SEC23A: variants seen among roughly 807,000 people sequenced by gnomAD.
The protein encoded by SEC23A is protein transport protein Sec23A.
In SEC23A, 56 loss-of-function variants were observed where a neutral mutation model predicts 103.7. That is an observed-to-expected ratio of 0.54 (90% CI 0.44 to 0.67). SEC23A has a LOEUF of 0.67. SEC23A is among the 30% of genes least tolerant of loss of function. The pLI is 0.00. For synonymous variants in SEC23A, 281 were observed against 293.0 expected (o/e 0.96, Z 0.42); for missense variants, 784 against 936.4 (o/e 0.84, Z 2.12).
intron 16 of SEC23A, among the ~76,000 whole-genome samples, chr14:39,043,141 T>TA (rs1885707303): frequency 2.0e-5 from 3 of 152,182 alleles, no homozygotes. Context: ...CATGTCCAGC[T>TA]AGTTTTTTCA....
At chr14:39,042,894 G>T in intron 16 of SEC23A, 22 bp from the exon 17 acceptor site, 1 of 1,510,004 alleles carries the variant, frequency 6.6e-7, no homozygotes, top group Non-Finnish European at 9.2e-7. Flanking sequence ...AAAACAATGA[G>T]AAATGAGGAA....
chr14:39,032,980 A>G lies in SEC23A; in HGVS notation c.*259T>C. On this transcript the variant is annotated 3_prime_UTR_variant, in exon 20 of 20. Transcript: ENST00000307712. ...AGGCAGACTCTATTTTTTATTAAAC[A>G]TAATTAAGTTATAAAGACTTCAAAT... is the stretch of plus-strand genomic sequence containing the variant. 2 of 411,254 alleles carry G rather than the reference A, an allele frequency of 4.9e-6. No homozygotes were observed. Among genetic ancestry groups the G allele is most frequent in the Non-Finnish European group, 8.9e-6 (2 of 225,752 alleles). The allele number at this position is 411,254 out of a possible 1,614,324, so 25.5% of individuals were successfully genotyped here.
At chr14:39,066,545 C>G (rs527686940) in intron 10 of SEC23A, among the ~76,000 whole-genome samples, 1 of 151,438 alleles carries the variant, frequency 6.6e-6, no homozygotes, top group South Asian at 2.1e-4. Flanking sequence ...TAACCTAGCA[C>G]TAACATAAAT....
intron 5 of SEC23A, among the ~76,000 whole-genome samples, chr14:39,090,657 C>T (rs767948696): frequency 2.0e-5 from 3 of 152,170 alleles, no homozygotes; most frequent in South Asian, 4.1e-4. Context: ...CCAAGGTTCT[C>T]GGTTCTTATG....
At chr14:39,075,866 ATTC>A in intron 8 of SEC23A, 66 bp downstream of exon 8, 1 of 1,333,408 alleles carries the variant, frequency 7.5e-7, no homozygotes, top group Non-Finnish European at 1.1e-6. Context: ...AACTATTTGT[ATTC>A]TTCTTCTGCC....
chr14:39,098,085 T>A (rs1398008273), intron 1 of SEC23A, among the ~76,000 whole-genome samples: 1 of 149,920 alleles, frequency 6.7e-6, no homozygotes, highest in Non-Finnish European at 1.5e-5. Context: ...CAAGACTCCA[T>A]CTCAAAAAAA....
At chr14:39,071,630 C>T (rs376987909) in intron 9 of SEC23A, among the ~76,000 whole-genome samples, 2 of 152,034 alleles carry the variant, frequency 1.3e-5, no homozygotes, top group African/African-American at 2.4e-5. Flanking sequence ...TTTCGGAGGC[C>T]GAGGAAGGCA....
intron 18 of SEC23A, chr14:39,039,934 ACT>A (rs1239103036): frequency 6.6e-6 from 1 of 152,170 alleles, no homozygotes; most frequent in African/African-American, 2.4e-5. Flanking sequence ...ATATGAAATA[ACT>A]CTCATATAAA....
At chr14:39,041,927 T>G (rs1162310061) in intron 17 of SEC23A, among the ~76,000 whole-genome samples, 1 of 151,754 alleles carries the variant, frequency 6.6e-6, no homozygotes, top group Non-Finnish European at 1.5e-5. Flanking sequence ...TTGAGTAATG[T>G]CTTTACTATT....
At chr14:39,079,204 A>AT (rs1168220338) in intron 7 of SEC23A, among the ~76,000 whole-genome samples, 20 of 150,986 alleles carry the variant, frequency 1.3e-4, no homozygotes, top group Admixed American at 9.9e-4. Context: ...TGAGAGGGCC[A>AT]TTTTTTTTTA....
rs778291254 is a variant in SEC23A, at chr14:39,096,066, C to T, written c.53G>A (p.Arg18Gln). 3 of 1,614,072 alleles carry T rather than the reference C, an allele frequency of 1.9e-6. No homozygotes were observed. Among genetic ancestry groups the T allele is most frequent in the Admixed American group, 3.3e-5 (2 of 60,016 alleles). ...TGATGGCCAAACATTCCAACTAAAT[C>T]GGACTCCATCTCGTTCTTCATTTTG... ...IQQNEERDGV[R>Q]FSWNVWPSSR... The change falls in exon 2 of 20, where the codon CGA becomes CAA. Residue 18 changes from arginine (R) to glutamine (Q), a missense_variant. Coordinates refer to ENST00000307712, the MANE Select transcript of SEC23A (RefSeq NM_006364.4).
chr14:39,084,509 AATCATACACCC>A (rs1473412038), intron 7 of SEC23A, among the ~76,000 whole-genome samples: 3 of 152,196 alleles, frequency 2.0e-5, no homozygotes, highest in Non-Finnish European at 2.9e-5. Context: ...ACGTAGATAA[AATCATACACCC>A]ACTGTCCTAT....
intron 9 of SEC23A, among the ~76,000 whole-genome samples, chr14:39,070,162 T>C (rs752201863): frequency 5.9e-5 from 9 of 152,234 alleles, no homozygotes; most frequent in East Asian, 1.9e-4. Context: ...ATAAGCTCCA[T>C]GCGGGCAAAG....
rs542608403 is a variant in SEC23A, at chr14:39,040,693, A to G, written c.2142+39T>C. On this transcript the variant is annotated intron_variant, in intron 18 of 19. Coordinates refer to ENST00000307712, the MANE Select transcript of SEC23A (RefSeq NM_006364.4). ...AGCAGGTACACCTCACTGCAAACCT[A>G]ACAACAAACAAACACACAAACAAAT... 52 of 1,613,574 alleles carry G rather than the reference A, an allele frequency of 3.2e-5. No homozygotes were observed. The South Asian group carries it at 5.5e-4, about 17-fold the overall frequency.
rs202128455 is a variant in SEC23A, at chr14:39,086,972, C to T, written c.640G>A (p.Ala214Thr). 4.9e-5 allele frequency: 78 copies of T among 1,595,130 alleles called. No individual in the cohort carries two copies. Among genetic ancestry groups the T allele is most frequent in the Non-Finnish European group, 6.4e-5 (74 of 1,162,790 alleles). Reference sequence around the variant, plus strand: ...TGCTGTACCTGAGGACCACGTGTTGCTTGAGTAAGTGGTACTTTAGAGAGC... The same window carrying T: ...TGCTGTACCTGAGGACCACGTGTTGTTTGAGTAAGTGGTACTTTAGAGAGC... ...LGLSKVPLTQ[A>T]TRGPQVQQPP... Residue 214 changes from alanine to threonine, a missense_variant, in exon 6 of 20, where the codon GCA (alanine) becomes ACA (threonine). Ala to Thr is a moderately conservative substitution (Grantham distance 58). Transcript: ENST00000307712.
In SEC23A at chr14:39,067,222, T is replaced by A; in HGVS notation, c.1178A>T (p.Asp393Val). The A allele has an allele frequency of 6.2e-7, 1 of 1,613,796 alleles. No individual in the cohort carries two copies. Residue 393 changes from aspartate to valine, a missense_variant, in exon 10 of 20, where the codon GAC becomes GTC. Coordinates refer to ENST00000307712, the MANE Select transcript of SEC23A (RefSeq NM_006364.4). ...GCCCATTTTAAACTGTCCATGCATG[T>A]CTTTGGTAAAGACTCTTTGAAAAGT... is the stretch of plus-strand genomic sequence containing the variant. ...KQTFQRVFTK[D>V]MHGQFKMGFG...
At chr14:39,057,455 T>G (rs1055493296) in intron 13 of SEC23A, among the ~76,000 whole-genome samples, 2 of 152,102 alleles carry the variant, frequency 1.3e-5, no homozygotes, top group African/African-American at 4.8e-5. Flanking sequence ...CACCTCAAAC[T>G]CCTGGGCTCC....
chr14:39,086,858 C>T, intron 6 of SEC23A, 71 bp downstream of exon 6: 1 of 866,602 alleles, frequency 1.2e-6, no homozygotes, highest in Non-Finnish European at 2.0e-6. Context: ...CACTGAATGC[C>T]TATGTTCAAG....
intron 13 of SEC23A, among the ~76,000 whole-genome samples, chr14:39,059,427 T>C (rs2139221425): frequency 6.6e-6 from 1 of 151,744 alleles, no homozygotes; most frequent in East Asian, 1.9e-4. Flanking sequence ...TCTCTACAAA[T>C]AGCCTCATAA....
Sources: gnomAD v4.1 joint callset for allele counts (sites outside exome capture counted in the v4.1 genomes callset) on GRCh38, gnomAD v4.1.1 for gene constraint, MANE v1.5 for transcripts, NCBI Gene and HGNC (gene_info 2026-07-23, HGNC 2026-07-21) for gene names.